HS3ST5: variants seen among roughly 807,000 people sequenced by gnomAD.
The protein encoded by HS3ST5 is heparan sulfate-glucosamine 3-sulfotransferase 5.
Under a neutral mutation model 25.4 loss-of-function variants are expected in HS3ST5, and 10 were observed. That is an observed-to-expected ratio of 0.39 (90% CI 0.24 to 0.67). HS3ST5 has a LOEUF of 0.67. HS3ST5 is among the 30% of genes least tolerant of loss of function. The pLI is 0.44. For synonymous variants in HS3ST5, 170 were observed against 162.4 expected, an observed-to-expected ratio of 1.05 and a Z score of -0.36; for missense variants, 324 against 420.7, an observed-to-expected ratio of 0.77 and a Z score of 2.01.
intron 1 of HS3ST5, among the ~76,000 whole-genome samples, chr6:114,246,122 C>A (rs564719863): frequency 6.6e-6 from 1 of 152,290 alleles, no homozygotes; most frequent in East Asian, 1.9e-4. Flanking sequence ...GCACTCTACA[C>A]ACATAATGCT....
chr6:114,317,943 C>A, intron 1 of HS3ST5, among the ~76,000 whole-genome samples: 1 of 152,126 alleles, frequency 6.6e-6, no homozygotes, highest in Non-Finnish European at 1.5e-5. Context: ...CTTAACATCA[C>A]TGTTAATTCA....
At chr6:114,341,752 C>G (rs773276756) in intron 1 of HS3ST5, among the ~76,000 whole-genome samples, 1 of 152,088 alleles carries the variant, frequency 6.6e-6, no homozygotes, top group Non-Finnish European at 1.5e-5. Context: ...TGGGGCCTCG[C>G]AGGCCCCCAC....
chr6:114,226,070 T>C (rs553692718), intron 2 of HS3ST5, among the ~76,000 whole-genome samples: 56 of 152,072 alleles, frequency 3.7e-4, no homozygotes, highest in African/African-American at 1.3e-3. Flanking sequence ...CTGGTTGTAA[T>C]AATGGTGAAA....
intron 1 of HS3ST5, among the ~76,000 whole-genome samples, chr6:114,252,084 G>A (rs760750158): frequency 6.6e-6 from 1 of 151,948 alleles, no homozygotes; most frequent in Non-Finnish European, 1.5e-5. Context: ...AGCCCTAACT[G>A]GCAATTCACT....
At chr6:114,277,862 T>C (rs1773930207) in intron 1 of HS3ST5, among the ~76,000 whole-genome samples, 2 of 152,048 alleles carry the variant, frequency 1.3e-5, no homozygotes, top group Admixed American at 1.3e-4. Context: ...TTGTCGAGGT[T>C]ATAGTTGTAA....
intron 2 of HS3ST5, among the ~76,000 whole-genome samples, chr6:114,209,012 A>G (rs867259573): frequency 2.6e-5 from 4 of 152,214 alleles, no homozygotes; most frequent in Non-Finnish European, 4.4e-5. Flanking sequence ...AATTAAATCC[A>G]CAAGGGATCA....
chr6:114,217,664 G>T (rs567516289), intron 2 of HS3ST5, among the ~76,000 whole-genome samples: 1 of 152,300 alleles, frequency 6.6e-6, no homozygotes, highest in African/African-American at 2.4e-5. Context: ...GTCCTAAGAT[G>T]TTGGCAATGT....
At chr6:114,230,153 CT>C (rs1422026058) in intron 1 of HS3ST5, 1 of 131,322 alleles carries the variant, frequency 7.6e-6, no homozygotes, top group African/African-American at 2.9e-5. Flanking sequence ...TTTTTGACTC[CT>C]AGGAGATTTG....
chr6:114,188,082 T>A (rs1780311572), intron 2 of HS3ST5, among the ~76,000 whole-genome samples: 1 of 152,214 alleles, frequency 6.6e-6, no homozygotes, highest in South Asian at 2.1e-4. Flanking sequence ...TGTGACTCAC[T>A]TTATCATGGT....
intron 1 of HS3ST5, among the ~76,000 whole-genome samples, chr6:114,260,276 A>T (rs1425322166): frequency 6.6e-6 from 1 of 152,202 alleles, no homozygotes; most frequent in African/African-American, 2.4e-5. Flanking sequence ...TAAAAACTTT[A>T]GGAATGTTTT....
At chr6:114,284,543 A>T (rs2114751836) in intron 1 of HS3ST5, among the ~76,000 whole-genome samples, 1 of 152,038 alleles carries the variant, frequency 6.6e-6, no homozygotes, top group Middle Eastern at 3.4e-3. Context: ...CCTCAACCAC[A>T]ACCCAAGGGG....
intron 3 of HS3ST5, among the ~76,000 whole-genome samples, chr6:114,097,241 C>T (rs1224219498): frequency 6.6e-5 from 10 of 151,706 alleles, no homozygotes; most frequent in African/African-American, 2.4e-4. Context: ...CAGAATAAAG[C>T]TTTTAAATTG....
chr6:114,185,117 C>T (rs1221375945), intron 2 of HS3ST5, among the ~76,000 whole-genome samples: 2 of 152,122 alleles, frequency 1.3e-5, no homozygotes, highest in African/African-American at 4.8e-5. Flanking sequence ...GTTAAGAGTT[C>T]TGGGGCTGCT....
chr6:114,331,399 A>G, intron 1 of HS3ST5, among the ~76,000 whole-genome samples: 1 of 152,308 alleles, frequency 6.6e-6, no homozygotes, highest in Non-Finnish European at 1.5e-5. Context: ...TGGGAATATA[A>G]TATACACATA....
At chr6:114,178,475 G>T (rs182851969) in intron 2 of HS3ST5, among the ~76,000 whole-genome samples, 250 of 152,290 alleles carry the variant, frequency 1.6e-3, no homozygotes, top group Non-Finnish European at 2.5e-3. Context: ...AAAGATGAAT[G>T]GTGACAAGGG....
intron 4 of HS3ST5, 107 bp from the exon 5 acceptor site, chr6:114,058,297 C>G (rs1472677563): frequency 1.3e-6 from 1 of 790,354 alleles, no homozygotes; most frequent in Admixed American, 2.9e-5. Flanking sequence ...CCACTGGTTC[C>G]CAGCCTGCTG....
At chr6:114,120,773 A>C (rs1433599486) in intron 3 of HS3ST5, among the ~76,000 whole-genome samples, 1 of 152,252 alleles carries the variant, frequency 6.6e-6, no homozygotes, top group Non-Finnish European at 1.5e-5. Context: ...AAATACAAGC[A>C]GCGATCAAAT....
At chr6:114,256,387 C>CAAAA (rs776203710) in intron 1 of HS3ST5, among the ~76,000 whole-genome samples, 1 of 127,332 alleles carries the variant, frequency 7.9e-6, no homozygotes, top group Non-Finnish European at 1.7e-5. Flanking sequence ...GACTCCCTCT[C>CAAAA]AAAAAAAAAA....
chr6:114,076,524 C>T (rs1393916514), intron 3 of HS3ST5, among the ~76,000 whole-genome samples: 2 of 152,122 alleles, frequency 1.3e-5, no homozygotes, highest in Middle Eastern at 3.2e-3. Context: ...CTGGGAGAAA[C>T]AATCCTCTTG....
Sources: gnomAD v4.1 joint callset for allele counts (sites outside exome capture counted in the v4.1 genomes callset) on GRCh38, gnomAD v4.1.1 for gene constraint, MANE v1.5 for transcripts, NCBI Gene and HGNC (gene_info 2026-07-23, HGNC 2026-07-21) for gene names.